NRXN3: variants seen among roughly 807,000 people sequenced by gnomAD.
NRXN3 encodes neurexin 3, also known as neurexin III.
In NRXN3, 32 loss-of-function variants were observed where a neutral mutation model predicts 137.6. The ratio of observed to expected loss-of-function variants is 0.23; its 90% CI spans 0.18 to 0.31. The LOEUF is 0.31. NRXN3 is among the 10% of genes least tolerant of loss of function. The pLI is 1.00. For synonymous variants in NRXN3, 798 were observed against 784.5 expected, an observed-to-expected ratio of 1.02 and a Z score of -0.29; for missense variants, 1,574 against 2,062.5, an observed-to-expected ratio of 0.76 and a Z score of 4.59.
At chr14:78,504,914 G>A (rs536976162) in intron 4 of NRXN3, among the ~76,000 whole-genome samples, 83 of 152,226 alleles carry the variant, frequency 5.5e-4, no homozygotes, top group African/African-American at 2.0e-3. Context: ...CCCGACAAGA[G>A]GGTCACAGCT....
At chr14:78,578,639 GT>G (rs2096960809) in intron 4 of NRXN3, among the ~76,000 whole-genome samples, 1 of 152,206 alleles carries the variant, frequency 6.6e-6, no homozygotes, top group South Asian at 2.1e-4. Flanking sequence ...AGAAAACCTG[GT>G]TTGGAGAGTC....
At chr14:78,684,043 A>G (rs781184410) in intron 6 of NRXN3, among the ~76,000 whole-genome samples, 2 of 152,160 alleles carry the variant, frequency 1.3e-5, no homozygotes, top group African/African-American at 2.4e-5. Context: ...TCACTTTTCT[A>G]CTTGGAGATC....
intron 4 of NRXN3, among the ~76,000 whole-genome samples, chr14:78,551,356 C>G (rs953201118): frequency 6.6e-6 from 1 of 152,036 alleles, no homozygotes; most frequent in African/African-American, 2.4e-5. Flanking sequence ...AATTCAGAAG[C>G]AGAACTTTGT....
At chr14:78,192,694 A>G (rs1014674169) in intron 1 of NRXN3, among the ~76,000 whole-genome samples, 46 of 152,144 alleles carry the variant, frequency 3.0e-4, no homozygotes, top group African/African-American at 1.1e-3. Context: ...AGGAGCCATC[A>G]GACGCTTGGC....
intron 15 of NRXN3, among the ~76,000 whole-genome samples, chr14:79,406,590 A>G (rs2197991): frequency 0.35 from 52,818 of 151,998 alleles, 9,440 homozygotes; most frequent in Admixed American, 0.4. Context: ...GGCATCAGCC[A>G]CTACTTCTGG....
intron 15 of NRXN3, among the ~76,000 whole-genome samples, chr14:78,993,616 C>A (rs2099523376): frequency 6.6e-6 from 1 of 152,106 alleles, no homozygotes; most frequent in Non-Finnish European, 1.5e-5. Context: ...ACTCACCAAA[C>A]ATTTCTTATT....
chr14:79,420,101 G>A (rs1312639133), intron 15 of NRXN3, among the ~76,000 whole-genome samples: 1 of 152,174 alleles, frequency 6.6e-6, no homozygotes, highest in Non-Finnish European at 1.5e-5. Flanking sequence ...GAAAGCAGTA[G>A]TGGTGTAGTA....
At chr14:78,941,156 C>A (rs2152909825) in intron 10 of NRXN3, among the ~76,000 whole-genome samples, 1 of 152,270 alleles carries the variant, frequency 6.6e-6, no homozygotes, top group East Asian at 1.9e-4. Flanking sequence ...GGCACAATCA[C>A]TGGCCTCGTG....
chr14:79,848,503 C>T (rs1036663423), intron 20 of NRXN3, among the ~76,000 whole-genome samples: 1 of 151,984 alleles, frequency 6.6e-6, no homozygotes, highest in African/African-American at 2.4e-5. Flanking sequence ...TTATGTGTGG[C>T]CCAAGACAAT....
At chr14:79,768,315 G>C (rs2099063595) in intron 19 of NRXN3, among the ~76,000 whole-genome samples, 1 of 152,218 alleles carries the variant, frequency 6.6e-6, no homozygotes, top group South Asian at 2.1e-4. Context: ...CCACCTCTGG[G>C]GGCAGGGCAC....
intron 15 of NRXN3, among the ~76,000 whole-genome samples, chr14:79,242,245 G>C (rs1292780722): frequency 6.6e-6 from 1 of 152,058 alleles, no homozygotes; most frequent in Non-Finnish European, 1.5e-5. Flanking sequence ...TTAGCTTTTT[G>C]GGATTCTATA....
chr14:78,396,577 T>A (rs995582143), intron 4 of NRXN3, among the ~76,000 whole-genome samples: 1 of 152,238 alleles, frequency 6.6e-6, no homozygotes, highest in African/African-American at 2.4e-5. Flanking sequence ...TCCTAATTCC[T>A]GAAGGACATT....
chr14:79,791,456 A>G (rs1177875641), intron 19 of NRXN3, among the ~76,000 whole-genome samples: 4 of 146,908 alleles, frequency 2.7e-5, no homozygotes, highest in Admixed American at 2.7e-4. Flanking sequence ...TATAATAAAT[A>G]ATTATAATAA....
intron 4 of NRXN3, among the ~76,000 whole-genome samples, chr14:78,541,745 T>C: frequency 6.6e-6 from 1 of 152,204 alleles, no homozygotes; most frequent in East Asian, 1.9e-4. Flanking sequence ...CTCCCCACCT[T>C]TGTGCTTTCA....
rs144587514 is a variant in NRXN3, at chr14:78,406,741, C to A, written c.757+108881C>A. Among the ~76,000 whole-genome samples the A allele has an allele frequency of 3.0e-3, 459 of 152,252 alleles. 1 individual carries two copies. The highest frequency in any genetic ancestry group is 5.8e-3 in the Non-Finnish European group (394 of 68,000). ...TCTTATTACCAGTGCCCACTGATCC[C>A]AAAACTACCTTGCTGCATGCTGATA... is the stretch of plus-strand genomic sequence containing the variant. On this transcript the variant is annotated intron_variant, in intron 4 of 20. Coordinates refer to ENST00000335750, the MANE Select transcript of NRXN3 (RefSeq NM_001330195.2).
At chr14:78,265,865 C>G (rs1480510932) in intron 2 of NRXN3, among the ~76,000 whole-genome samples, 1 of 152,184 alleles carries the variant, frequency 6.6e-6, no homozygotes, top group Admixed American at 6.5e-5. Flanking sequence ...TAATTAGTTG[C>G]TTGTCTGATT....
chr14:79,273,145 C>T (rs567814773), intron 15 of NRXN3, among the ~76,000 whole-genome samples: 71 of 124,798 alleles, frequency 5.7e-4, no homozygotes, highest in Non-Finnish European at 9.5e-4. Context: ...GCATTCCAGC[C>T]AGGGCGGCAA....
chr14:78,948,315 C>T (rs538292709), intron 10 of NRXN3, among the ~76,000 whole-genome samples: 3 of 152,348 alleles, frequency 2.0e-5, no homozygotes, highest in Non-Finnish European at 2.9e-5. Context: ...TATTCATTGG[C>T]TCCCTTCCCC....
At chr14:79,201,917 C>T (rs139973417) in intron 15 of NRXN3, among the ~76,000 whole-genome samples, 4 of 152,254 alleles carry the variant, frequency 2.6e-5, no homozygotes, top group East Asian at 1.9e-4. Context: ...ATTGTACAGG[C>T]GAGGAAGCAC....
Sources: gnomAD v4.1 joint callset for allele counts (sites outside exome capture counted in the v4.1 genomes callset) on GRCh38, gnomAD v4.1.1 for gene constraint, MANE v1.5 for transcripts, NCBI Gene and HGNC (gene_info 2026-07-23, HGNC 2026-07-21) for gene names.